Variants in RNF38 observed in about 807,000 individuals in gnomAD.
The protein encoded by RNF38 is ring finger protein 38.
In RNF38, 15 loss-of-function variants were observed where a neutral mutation model predicts 67.2. The observed-to-expected ratio is 0.22, with a 90% CI of 0.15 to 0.34. The LOEUF (loss-of-function observed/expected upper bound fraction) is 0.34. Ranked by LOEUF, RNF38 falls within the 10% of genes least tolerant of loss-of-function variation. The pLI is 1.00. For synonymous variants in RNF38, 220 were observed against 218.8 expected (o/e 1.01, Z -0.05); for missense variants, 524 against 639.9 (o/e 0.82, Z 1.95).
chr9:36,456,884 T>G (rs565600064), intron 1 of RNF38, among the ~76,000 whole-genome samples: 1 of 152,118 alleles, frequency 6.6e-6, no homozygotes, highest in Non-Finnish European at 1.5e-5. Flanking sequence ...AATACAAGTG[T>G]AGGAGTTCAA....
intron 2 of RNF38, among the ~76,000 whole-genome samples, chr9:36,382,877 A>C (rs944291988): frequency 9.9e-5 from 15 of 152,216 alleles, no homozygotes; most frequent in South Asian, 2.1e-4. Flanking sequence ...TTTAACAAAA[A>C]TGAAGTTTCT....
chr9:36,486,074 G>C (rs1840403430), intron 1 of RNF38, among the ~76,000 whole-genome samples: 1 of 151,996 alleles, frequency 6.6e-6, no homozygotes, highest in African/African-American at 2.4e-5. Flanking sequence ...CTCCAGACTA[G>C]ACACCGTCCC....
In RNF38 at chr9:36,447,593, T is replaced by C. The variant is rs1839337456; in HGVS notation, n.242-22910A>G. Among the ~76,000 whole-genome samples the C allele has an allele frequency of 2.6e-5, 4 of 151,922 alleles. No individual in the cohort carries two copies. In the South Asian group the frequency reaches 8.4e-4, roughly 32 times the overall value. ...GTAACAACCAACCTGCTAAAACAGG[T>C]ACTAAGGAAAGGAATAAGCCACCGA... On this transcript the variant is annotated intron_variant and non_coding_transcript_variant, in intron 1 of 3. Coordinates refer to the RNF38 transcript ENST00000488058.
chr9:36,434,057 G>A (rs1215266191), intron 1 of RNF38, among the ~76,000 whole-genome samples: 1 of 151,554 alleles, frequency 6.6e-6, no homozygotes, highest in East Asian at 2.0e-4. Flanking sequence ...CCAACATGGT[G>A]AAACCCCATC....
intron 1 of RNF38, among the ~76,000 whole-genome samples, chr9:36,446,810 GAAAAA>G (rs60691553): frequency 1.8e-4 from 5 of 28,196 alleles, no homozygotes; most frequent in Admixed American, 5.2e-4. Flanking sequence ...TCCGCCTCAA[GAAAAA>G]AAAAAAAAAA....
At chr9:36,441,612 G>A (rs1839193175) in intron 1 of RNF38, among the ~76,000 whole-genome samples, 2 of 152,076 alleles carry the variant, frequency 1.3e-5, no homozygotes, top group South Asian at 2.1e-4. Context: ...GTGAGCCACC[G>A]CGCCTGGCCC....
chr9:36,458,719 A>G lies in RNF38; in HGVS notation n.241+28589T>C, dbSNP rs143747072. Among the ~76,000 whole-genome samples, 69 of 152,252 alleles carry G rather than the reference A, an allele frequency of 4.5e-4. No individual in the cohort carries two copies. The East Asian group carries it at 0.012, about 27-fold the overall frequency. On this transcript the variant is annotated intron_variant and non_coding_transcript_variant, in intron 1 of 3. Coordinates refer to the RNF38 transcript ENST00000488058. ...ACACACCATCTTTAAGAGTTGTAAC[A>G]CTCACCGCGAGGGTCCGCGGCTTCA...
rs1015307367 is a variant in RNF38, at chr9:36,379,686, G to A, written c.163-3559C>T. Among the ~76,000 whole-genome samples the A allele has an allele frequency of 3.3e-5, 5 of 152,268 alleles. No homozygotes were observed. In the South Asian group the frequency reaches 6.2e-4, roughly 19 times the overall value. On this transcript the variant is annotated intron_variant, in intron 2 of 11. Transcript: ENST00000259605. The stretch of plus-strand genomic sequence containing the variant: ...TACAATGAAATGAAATTCCAGGAAT[G>A]GTAGTATAGGAAGTGTGGAAATTCA...
At chr9:36,388,836 G>A (rs753723329) in intron 2 of RNF38, among the ~76,000 whole-genome samples, 26 of 152,170 alleles carry the variant, frequency 1.7e-4, no homozygotes, top group Non-Finnish European at 3.1e-4. Flanking sequence ...AAGCCAATAA[G>A]AAAGCATAAC....
intron 1 of RNF38, among the ~76,000 whole-genome samples, chr9:36,445,168 C>A (rs1208526592): frequency 6.6e-6 from 1 of 152,056 alleles, no homozygotes; most frequent in Non-Finnish European, 1.5e-5. Context: ...AGAGAAGGTA[C>A]GCACTTACAG....
chr9:36,389,097 C>T (rs1266265249), intron 2 of RNF38, among the ~76,000 whole-genome samples: 1 of 152,016 alleles, frequency 6.6e-6, no homozygotes, highest in East Asian at 1.9e-4. Context: ...CACCCCCGCC[C>T]CAAAGTTCAT....
intron 2 of RNF38, among the ~76,000 whole-genome samples, chr9:36,406,378 T>C (rs1838182913): frequency 6.6e-6 from 1 of 152,234 alleles, no homozygotes; most frequent in South Asian, 2.1e-4. Context: ...CAGTTCCTCA[T>C]TGGTTAACAC....
intron 1 of RNF38, among the ~76,000 whole-genome samples, chr9:36,458,361 C>G (rs938058242): frequency 1.4e-4 from 21 of 152,184 alleles, no homozygotes; most frequent in Non-Finnish European, 8.8e-5. Context: ...GCTGGCCACC[C>G]GAGCCAGCAG....
At chr9:36,354,207 T>A (rs1434814891) in intron 6 of RNF38, among the ~76,000 whole-genome samples, 6 of 152,210 alleles carry the variant, frequency 3.9e-5, no homozygotes, top group Non-Finnish European at 8.8e-5. Context: ...TTATTTATTT[T>A]TTGAGACAGA....
intron 4 of RNF38, among the ~76,000 whole-genome samples, chr9:36,360,014 G>C (rs146514385): frequency 6.6e-6 from 1 of 152,008 alleles, no homozygotes; most frequent in African/African-American, 2.4e-5. Flanking sequence ...CAAAGTGTTA[G>C]GATTATAGGC....
upstream of RNF38, chr9:36,401,152 TCCGCA>T: frequency 1.0e-6 from 1 of 982,684 alleles, no homozygotes; most frequent in Non-Finnish European, 1.2e-6. Context: ...TCCCCCAGGC[TCCGCA>T]CCGCGCGCCG....
intron 6 of RNF38, 137 bp downstream of exon 6, chr9:36,356,166 T>C (rs928911617): frequency 7.3e-6 from 6 of 824,638 alleles, no homozygotes; most frequent in African/African-American, 6.9e-5. Context: ...TGTTTAAGCA[T>C]GCCATTTAAA....
intron 1 of RNF38, among the ~76,000 whole-genome samples, chr9:36,429,237 G>T (rs568650614): frequency 1.3e-5 from 2 of 152,252 alleles, no homozygotes; most frequent in Admixed American, 1.3e-4. Flanking sequence ...GAATCCCATT[G>T]CCTTCTTCTC....
At chr9:36,368,369 A>C (rs761282400) in intron 4 of RNF38, among the ~76,000 whole-genome samples, 2 of 152,114 alleles carry the variant, frequency 1.3e-5, no homozygotes, top group Non-Finnish European at 2.9e-5. Flanking sequence ...CTTTGGCTCC[A>C]TCACTAACCA....
Sources: gnomAD v4.1 joint callset for allele counts (sites outside exome capture counted in the v4.1 genomes callset) on GRCh38, gnomAD v4.1.1 for gene constraint, MANE v1.5 for transcripts, NCBI Gene and HGNC (gene_info 2026-07-23, HGNC 2026-07-21) for gene names.